The following FSIP1 variants were observed in gnomAD, a reference collection of about 807,000 sequenced individuals.
FSIP1 encodes the protein fibrous sheath-interacting protein 1.
A neutral mutation model predicts 60.9 loss-of-function variants in FSIP1; 65 were observed. The ratio of observed to expected loss-of-function variants is 1.07; its 90% CI spans 0.87 to 1.31. FSIP1 has a LOEUF of 1.31. FSIP1 is among the 40% of genes most tolerant of loss of function. The pLI, the probability that FSIP1 is intolerant of heterozygous loss-of-function variation, is 0.00. For missense variants in FSIP1, 675 were observed against 665.5 expected (o/e 1.01, Z -0.16); for synonymous variants, 209 against 221.2 (o/e 0.94, Z 0.49).
chr15:39,752,328 G>T (rs562483734), intron 5 of FSIP1, among the ~76,000 whole-genome samples: 1 of 152,050 alleles, frequency 6.6e-6, no homozygotes, highest in African/African-American at 2.4e-5. Context: ...AGTTTTCCCA[G>T]CACCACTCCT....
intron 5 of FSIP1, among the ~76,000 whole-genome samples, chr15:39,755,250 C>G (rs928493538): frequency 5.9e-5 from 9 of 151,980 alleles, no homozygotes; most frequent in Non-Finnish European, 1.3e-4. Context: ...GCCAGGAACA[C>G]AGTGAAAGGG....
intron 5 of FSIP1, among the ~76,000 whole-genome samples, chr15:39,746,095 A>T (rs8028323): frequency 0.12 from 18,879 of 152,122 alleles, 1,847 homozygotes; most frequent in African/African-American, 0.26. Flanking sequence ...ATAAAAATTT[A>T]AAAAATTAAA....
chr15:39,658,157 T>C (rs1893144279), intron 10 of FSIP1, among the ~76,000 whole-genome samples: 3 of 152,122 alleles, frequency 2.0e-5, no homozygotes, highest in Non-Finnish European at 4.4e-5. Flanking sequence ...AGTTTTCAGG[T>C]TACCATCTTA....
intron 10 of FSIP1, among the ~76,000 whole-genome samples, chr15:39,649,744 C>G (rs1468901574): frequency 6.6e-6 from 1 of 152,242 alleles, no homozygotes; most frequent in Non-Finnish European, 1.5e-5. Flanking sequence ...CCTGTCGGAT[C>G]AAGTCCTGAA....
At chr15:39,691,313 T>A (rs1459626111) in intron 10 of FSIP1, among the ~76,000 whole-genome samples, 1 of 152,228 alleles carries the variant, frequency 6.6e-6, no homozygotes, top group East Asian at 1.9e-4. Context: ...GGGATGCAAC[T>A]GCTCCTGTTC....
intron 10 of FSIP1, among the ~76,000 whole-genome samples, chr15:39,622,851 G>T (rs1357235498): frequency 6.6e-6 from 1 of 152,082 alleles, no homozygotes; most frequent in Non-Finnish European, 1.5e-5. Context: ...CCCAACTGCT[G>T]CTCATTTTTC....
intron 10 of FSIP1, among the ~76,000 whole-genome samples, chr15:39,665,765 G>A (rs567200729): frequency 6.6e-6 from 1 of 152,124 alleles, no homozygotes; most frequent in Non-Finnish European, 1.5e-5. Flanking sequence ...AAAGTGCAGG[G>A]GTGGGTGGAG....
At chr15:39,670,992 A>T (rs1893696959) in intron 10 of FSIP1, among the ~76,000 whole-genome samples, 1 of 152,240 alleles carries the variant, frequency 6.6e-6, no homozygotes, top group Admixed American at 6.5e-5. Context: ...TGACAAACTG[A>T]CAGAAAAATG....
chr15:39,645,856 G>A (rs943160724), intron 10 of FSIP1, among the ~76,000 whole-genome samples: 2 of 152,222 alleles, frequency 1.3e-5, no homozygotes, highest in Non-Finnish European at 2.9e-5. Flanking sequence ...GGCCATGAAC[G>A]GCAGCAGGAG....
At chr15:39,640,723 C>T (rs72725095) in intron 10 of FSIP1, among the ~76,000 whole-genome samples, 25,673 of 133,788 alleles carry the variant, frequency 0.19, 2,740 homozygotes, top group East Asian at 0.33. Context: ...AGAAGATTTA[C>T]AGACAAAAAA....
chr15:39,640,242 A>G (rs1257475775), intron 10 of FSIP1, among the ~76,000 whole-genome samples: 1 of 152,208 alleles, frequency 6.6e-6, no homozygotes, highest in Non-Finnish European at 1.5e-5. Context: ...AAATTCCTGT[A>G]AGCAGTTATC....
At chr15:39,752,122 T>C (rs1364213543) in intron 5 of FSIP1, among the ~76,000 whole-genome samples, 1 of 152,024 alleles carries the variant, frequency 6.6e-6, no homozygotes, top group East Asian at 1.9e-4. Context: ...GAGGTTCCCA[T>C]TGTCAATTTT....
chr15:39,710,306 A>ACC (rs1187378078), intron 10 of FSIP1, among the ~76,000 whole-genome samples: 3 of 151,916 alleles, frequency 2.0e-5, no homozygotes, highest in African/African-American at 7.3e-5. Context: ...AACAAGGCAA[A>ACC]CCCCCGTCTC....
At chr15:39,752,130 T>C (rs533670386) in intron 5 of FSIP1, among the ~76,000 whole-genome samples, 36 of 152,114 alleles carry the variant, frequency 2.4e-4, no homozygotes, top group African/African-American at 8.7e-4. Flanking sequence ...CATTGTCAAT[T>C]TTTGTTTTTG....
chr15:39,609,575 T>C (rs1384155976), intron 11 of FSIP1, among the ~76,000 whole-genome samples: 1 of 152,170 alleles, frequency 6.6e-6, no homozygotes, highest in Non-Finnish European at 1.5e-5. Context: ...GTGCTTTGCT[T>C]AAGGCTTCCC....
chr15:39,749,262 C>CAAAAA (rs1566912714), intron 5 of FSIP1, among the ~76,000 whole-genome samples: 1 of 33,300 alleles, frequency 3.0e-5, no homozygotes, highest in African/African-American at 2.0e-4. Context: ...TTAAACTCTT[C>CAAAAA]CAAAAAAAAA....
At chr15:39,739,471 T>C (rs758545112) in intron 7 of FSIP1, among the ~76,000 whole-genome samples, 194 bp downstream of exon 7, 25 of 152,236 alleles carry the variant, frequency 1.6e-4, no homozygotes, top group Non-Finnish European at 3.4e-4. Flanking sequence ...TAGGATAGGA[T>C]AGGATGTAGT....
chr15:39,627,098 A>G (rs1228469772), intron 10 of FSIP1, among the ~76,000 whole-genome samples: 1 of 152,232 alleles, frequency 6.6e-6, no homozygotes, highest in Non-Finnish European at 1.5e-5. Flanking sequence ...TACATGCCCA[A>G]GAAGTTTCCC....
chr15:39,695,230 A>T (rs1894767654), intron 10 of FSIP1, among the ~76,000 whole-genome samples: 1 of 151,892 alleles, frequency 6.6e-6, no homozygotes, highest in African/African-American at 2.4e-5. Flanking sequence ...ACTTCTGGTC[A>T]TTGCCTTTGG....
Sources: allele counts gnomAD v4.1 joint callset (sites outside exome capture counted in the v4.1 genomes callset), GRCh38; gene constraint gnomAD v4.1.1; transcripts MANE v1.5; gene names NCBI Gene and HGNC (gene_info 2026-07-23, HGNC 2026-07-21).